The following TMEM232 variants were observed in gnomAD, a reference collection of about 807,000 sequenced individuals.
TMEM232 encodes the protein transmembrane protein 232.
Under a neutral mutation model 78.8 loss-of-function variants are expected in TMEM232, and 80 were observed. The ratio of observed to expected loss-of-function variants is 1.01; its 90% CI spans 0.85 to 1.22. TMEM232 has a LOEUF of 1.22. Among genes scored for constraint, TMEM232 ranks in the 50% most tolerant of loss-of-function variants. The pLI, the probability that TMEM232 is intolerant of heterozygous loss-of-function variation, is 0.00. For synonymous variants in TMEM232, 297 were observed against 254.3 expected (o/e 1.17, Z -1.60); for missense variants, 881 against 742.2 (o/e 1.19, Z -2.17).
At chr5:110,395,956 TAA>T (rs1242599712) in intron 3 of TMEM232, among the ~76,000 whole-genome samples, 18 of 152,154 alleles carry the variant, frequency 1.2e-4, no homozygotes, top group African/African-American at 4.3e-4. Context: ...CCACATCTGA[TAA>T]TATAAGATAG....
At chr5:110,712,375 T>C (rs1796577274) in intron 1 of TMEM232, among the ~76,000 whole-genome samples, 1 of 151,910 alleles carries the variant, frequency 6.6e-6, no homozygotes, top group Non-Finnish European at 1.5e-5. Flanking sequence ...AGAATATATA[T>C]GGAGCTCAAA....
rs200104692 is a variant in TMEM232, at chr5:110,714,635, AAAT to A, written c.-13+11989_-13+11991del. Among the ~76,000 whole-genome samples the A allele has an allele frequency of 6.2e-3, 950 of 152,302 alleles. 27 individuals are homozygous for A. Among genetic ancestry groups the A allele is most frequent in the Admixed American group, 0.035 (537 of 15,286 alleles). ...AAATACACACACACACACAAACTAGAAATAAAGAATTATTTTTGACCAGTTTAT... is the reference window on the plus strand; with the variant it reads ...AAATACACACACACACACAAACTAGAAAAGAATTATTTTTGACCAGTTTAT... On this transcript the variant is annotated intron_variant, in intron 1 of 13. Transcript: ENST00000455884.
rs567717466 is a variant in TMEM232, at chr5:110,500,181, A to C, written c.1703+28407T>G. 1.3e-3 allele frequency among the ~76,000 whole-genome samples: 203 copies of C among 150,900 alleles called. 1 individual carries two copies. Among genetic ancestry groups the C allele is most frequent in the African/African-American group, 4.8e-3 (197 of 40,934 alleles). ...GTGGCGGGTGCCTGTAATCTCAGCT[A>C]CTTGGGAGGCTGAGGCAGAAGAATC... On this transcript the variant is annotated intron_variant, in intron 12 of 13. Transcript: ENST00000455884.
At chr5:110,673,451 A>T (rs1791623033) in intron 1 of TMEM232, among the ~76,000 whole-genome samples, 1 of 152,006 alleles carries the variant, frequency 6.6e-6, no homozygotes, top group Non-Finnish European at 1.5e-5. Context: ...CTTAAAGTAT[A>T]ACTAAAAAAA....
intron 10 of TMEM232, among the ~76,000 whole-genome samples, chr5:110,604,685 G>A (rs971549592): frequency 5.3e-5 from 8 of 152,046 alleles, no homozygotes; most frequent in African/African-American, 1.9e-4. Context: ...CTGGCTGGGC[G>A]CAGTGGTTCA....
At chr5:110,602,873 G>A (rs185724710) in intron 10 of TMEM232, among the ~76,000 whole-genome samples, 205 of 152,116 alleles carry the variant, frequency 1.3e-3, no homozygotes, top group Non-Finnish European at 2.2e-3. Context: ...TCACAATAGC[G>A]AAGAGTTGGA....
At chr5:110,474,200 T>A (rs1312517322) in intron 12 of TMEM232, among the ~76,000 whole-genome samples, 1 of 151,938 alleles carries the variant, frequency 6.6e-6, no homozygotes, top group South Asian at 2.1e-4. Context: ...TTACCCTGAT[T>A]TGATCATTAT....
rs896813534 is a variant in TMEM232 at position 110,420,354 on chromosome 5, A to C, written c.*226T>G. On this transcript the variant is annotated 3_prime_UTR_variant, in exon 14 of 14. Transcript: ENST00000455884. ...GATGTAGTCTTGGAAATTTTTGACT[A>C]GTGAAATCACTTCATTCAAGTGTGA... 8.4e-5 allele frequency: 30 copies of C among 357,790 alleles called. No homozygotes were observed. The highest frequency in any genetic ancestry group is 1.4e-4 in the Non-Finnish European group (29 of 202,436). 22.2% of individuals were successfully genotyped at this position (357,790 alleles called of 1,614,324 possible).
intron 4 of TMEM232, among the ~76,000 whole-genome samples, chr5:110,640,398 C>G (rs963858308): frequency 2.0e-5 from 3 of 150,154 alleles, no homozygotes; most frequent in African/African-American, 7.5e-5. Context: ...TTAGAAATAA[C>G]GTTGTTTAAT....
At chr5:110,685,463 A>G (rs1488725961) in intron 1 of TMEM232, among the ~76,000 whole-genome samples, 2 of 152,150 alleles carry the variant, frequency 1.3e-5, no homozygotes, top group Non-Finnish European at 2.9e-5. Context: ...ATGAACTTCT[A>G]TTTCACACTA....
At chr5:110,683,342 T>C (rs1792985988) in intron 1 of TMEM232, among the ~76,000 whole-genome samples, 1 of 151,948 alleles carries the variant, frequency 6.6e-6, no homozygotes, top group Non-Finnish European at 1.5e-5. Flanking sequence ...TACATAGATG[T>C]AACAATTTTT....
rs76083014 is a variant in TMEM232 at position 110,665,912 on chromosome 5, A to C, written c.125+1316T>G. 4.0e-5 allele frequency among the ~76,000 whole-genome samples: 6 copies of C among 149,180 alleles called. No individual in the cohort carries two copies. The South Asian group carries it at 8.5e-4, about 21-fold the overall frequency. Reference sequence around the variant, plus strand: ...TCCACAAAAAAAAAAAAAAAAAAAAACTAAAAATTAGCCAGGCATACTGGC... The same window carrying C: ...TCCACAAAAAAAAAAAAAAAAAAAACCTAAAAATTAGCCAGGCATACTGGC... On this transcript the variant is annotated intron_variant, in intron 2 of 13. Transcript: ENST00000455884.
At chr5:110,710,627 C>A (rs553153492) in intron 1 of TMEM232, among the ~76,000 whole-genome samples, 5 of 151,992 alleles carry the variant, frequency 3.3e-5, no homozygotes, top group East Asian at 1.9e-4. Context: ...TATATCAACA[C>A]AATAAAGGAC....
intron 11 of TMEM232, among the ~76,000 whole-genome samples, chr5:110,546,661 C>CTAAG (rs1426627696): frequency 1.3e-5 from 2 of 152,028 alleles, no homozygotes; most frequent in Non-Finnish European, 2.9e-5. Flanking sequence ...TCTTTTAGAT[C>CTAAG]TAAGTGTCTG....
At chr5:110,647,457 C>A (rs973093272) in intron 2 of TMEM232, among the ~76,000 whole-genome samples, 1 of 151,824 alleles carries the variant, frequency 6.6e-6, no homozygotes, top group Non-Finnish European at 1.5e-5. Flanking sequence ...CATTAATATA[C>A]CTCTTTATGT....
intron 12 of TMEM232, among the ~76,000 whole-genome samples, chr5:110,430,662 C>G (rs311723): frequency 1.3e-5 from 2 of 151,414 alleles, no homozygotes; most frequent in African/African-American, 4.8e-5. Flanking sequence ...TCATAATCAT[C>G]GATCATGGGA....
intron 13 of TMEM232, 119 bp from the exon 14 acceptor site, chr5:110,420,875 T>C: frequency 7.4e-7 from 1 of 1,353,234 alleles, no homozygotes; most frequent in Non-Finnish European, 9.6e-7. Context: ...TCCATGACAT[T>C]CCTCAAAAAT....
intron 12 of TMEM232, among the ~76,000 whole-genome samples, chr5:110,458,984 A>G (rs1243607244): frequency 1.3e-5 from 2 of 152,148 alleles, no homozygotes; most frequent in East Asian, 3.9e-4. Flanking sequence ...TATCAAACAA[A>G]AATTAATGTC....
chr5:110,559,182 C>CA (rs548654251), intron 11 of TMEM232, among the ~76,000 whole-genome samples: 72 of 151,858 alleles, frequency 4.7e-4, no homozygotes, highest in Non-Finnish European at 7.2e-4. Flanking sequence ...TTATATTACA[C>CA]AAAAAAAATC....
Sources: allele counts gnomAD v4.1 joint callset (sites outside exome capture counted in the v4.1 genomes callset), GRCh38; gene constraint gnomAD v4.1.1; transcripts MANE v1.5; gene names NCBI Gene and HGNC (gene_info 2026-07-23, HGNC 2026-07-21).